EDA2R: variants seen among roughly 807,000 people sequenced by gnomAD.
EDA2R encodes the protein ectodysplasin A2 receptor, also known as tumor necrosis factor receptor superfamily member 27.
EDA2R carries 26 observed loss-of-function variants against 20.1 expected under a neutral mutation model. The ratio of observed to expected loss-of-function variants is 1.30; its 90% CI spans 0.95 to 1.80. The LOEUF is 1.80. Among genes scored for constraint, EDA2R ranks in the 40% most tolerant of loss-of-function variants. The probability of loss-of-function intolerance (pLI) is 0.00; values close to 1 mark genes in which losing one functional copy is unlikely to be tolerated. For synonymous variants in EDA2R, 114 were observed against 88.7 expected, an observed-to-expected ratio of 1.29 and a Z score of -1.60; for missense variants, 277 against 228.7, an observed-to-expected ratio of 1.21 and a Z score of -1.36.
chrX:66,630,234 A>T (rs1933596296), intron 1 of EDA2R, among the ~76,000 whole-genome samples: 2 of 112,254 alleles, frequency 1.8e-5, no homozygotes, highest in African/African-American at 6.5e-5. Flanking sequence ...AATCTATAAA[A>T]GTTCTAGAAG....
At chrX:66,598,243 C>T (rs1165743508) in intron 6 of EDA2R, 150 bp from the exon 7 acceptor site, 2 of 204,445 alleles carry the variant, frequency 9.8e-6, no homozygotes, top group East Asian at 2.5e-4. Context: ...GACAATTCTA[C>T]CCTATTCTAC....
intron 1 of EDA2R, among the ~76,000 whole-genome samples, chrX:66,634,762 G>C (rs1934173083): frequency 9.0e-6 from 1 of 111,377 alleles, no homozygotes; most frequent in East Asian, 2.8e-4. Context: ...ACGAAGAAAG[G>C]AGTTGGCCCA....
chrX:66,607,429 C>T (rs1929889597), intron 2 of EDA2R, among the ~76,000 whole-genome samples: 2 of 111,036 alleles, frequency 1.8e-5, no homozygotes, highest in South Asian at 3.8e-4. Context: ...CTAGCCTAGG[C>T]AACACGGCAA....
At chrX:66,598,146 C>T in intron 6 of EDA2R, 53 bp from the exon 7 acceptor site, 1 of 526,190 alleles carries the variant, frequency 1.9e-6, no homozygotes, top group Non-Finnish European at 2.7e-6. Context: ...TCACTAGCAC[C>T]CTTCTTTCTC....
intron 1 of EDA2R, among the ~76,000 whole-genome samples, chrX:66,625,353 T>A (rs1432608888): frequency 9.0e-6 from 1 of 110,943 alleles, no homozygotes; most frequent in Non-Finnish European, 1.9e-5. Context: ...ACTGGCCCTT[T>A]GGATTGCATG....
In EDA2R at chrX:66,599,572, G is replaced by A. The variant is rs746649982; in HGVS notation, c.806C>T (p.Thr269Ile). ...GTTTCCCCCCAAGGTCTCAGCTCCA[G>A]TATAGGAGGCAGAGCTGGAAAACTT... Reference protein sequence around the residue: ...LQKFSSSASYTGAETLGGNTV... With the variant: ...LQKFSSSASYIGAETLGGNTV... Residue 269 changes from threonine to isoleucine, a missense_variant, in exon 6 of 7, where the codon ACT becomes ATT. Thr to Ile is a moderately conservative substitution (Grantham distance 89, BLOSUM62 -1). Transcript: ENST00000374719. 2.5e-6 allele frequency: 3 copies of A among 1,191,907 alleles called. No homozygotes were observed. Among genetic ancestry groups the A allele is most frequent in the Non-Finnish European group, 2.3e-6 (2 of 885,772 alleles).
chrX:66,602,752 G>A lies in EDA2R; in HGVS notation c.398C>T (p.Pro133Leu), dbSNP rs764786622. 3.1e-5 allele frequency: 37 copies of A among 1,194,711 alleles called. No individual in the cohort carries two copies. Among genetic ancestry groups the A allele is most frequent in the Non-Finnish European group, 3.9e-5 (35 of 887,542 alleles). ...SLVEADTPTVPPQEATLVALV... is the reference protein window; with the variant it reads ...SLVEADTPTVLPQEATLVALV... ...TGCAACAAGTGTGGCCTCCTGAGGG[G>A]GCACTGTGGGTGTATCTGCCTCCAC... is the stretch of plus-strand genomic sequence containing the variant. Residue 133 changes from proline (P) to leucine (L), a missense_variant, in exon 5 of 7, where the codon CCC (proline) becomes CTC (leucine). Pro to Leu is a moderately conservative substitution (Grantham distance 98). Transcript: ENST00000374719.
At chrX:66,633,053 A>G (rs774643789) in intron 1 of EDA2R, among the ~76,000 whole-genome samples, 3 of 106,667 alleles carry the variant, frequency 2.8e-5, no homozygotes, top group African/African-American at 9.9e-5. Context: ...GAAGAAAAAG[A>G]AAAAAAAATC....
chrX:66,604,301 T>A, intron 4 of EDA2R, 120 bp downstream of exon 4: 1 of 530,353 alleles, frequency 1.9e-6, no homozygotes, highest in East Asian at 3.7e-5. Flanking sequence ...TCTAATCTGA[T>A]TCCCTTGCCA....
chrX:66,615,999 A>G lies in EDA2R; in HGVS notation c.22T>C (p.Tyr8His), dbSNP rs73221529. Reference sequence around the variant, plus strand: ...ACACACCGTCCCCATTGGTCCCAGTACTCATTTTCTTGGCAATCCATGGTG... The same window carrying G: ...ACACACCGTCCCCATTGGTCCCAGTGCTCATTTTCTTGGCAATCCATGGTG... MDCQENE[Y>H]WDQWGRCVTC... Residue 8 changes from tyrosine to histidine, a missense_variant, in exon 2 of 7, where the codon TAC becomes CAC. Transcript: ENST00000374719. 8.2e-3 allele frequency: 9,883 copies of G among 1,207,710 alleles called. 54 individuals carry two copies. Among genetic ancestry groups the G allele is most frequent in the Non-Finnish European group, 9.3e-3 (8,322 of 893,669 alleles).
intron 1 of EDA2R, among the ~76,000 whole-genome samples, chrX:66,638,118 T>A (rs1465050580): frequency 8.9e-6 from 1 of 112,421 alleles, no homozygotes; most frequent in African/African-American, 3.2e-5. Context: ...TGTTTTTATA[T>A]CCAGGATGAG....
intron 1 of EDA2R, among the ~76,000 whole-genome samples, chrX:66,623,840 C>A (rs1462472681): frequency 8.9e-6 from 1 of 112,324 alleles, no homozygotes; most frequent in Non-Finnish European, 1.9e-5. Flanking sequence ...GCTTCCCTGA[C>A]CACTCTCTCA....
At chrX:66,607,625 T>C (rs1273912620) in intron 2 of EDA2R, among the ~76,000 whole-genome samples, 4 of 110,366 alleles carry the variant, frequency 3.6e-5, no homozygotes, top group African/African-American at 1.3e-4. Flanking sequence ...AACAAAATAA[T>C]AATAATAACA....
rs1168461314 is a variant in EDA2R, at chrX:66,620,761, G to A, written c.-10-4731C>T. 1.3e-4 allele frequency among the ~76,000 whole-genome samples: 14 copies of A among 109,664 alleles called. No individual in the cohort carries two copies. In the Admixed American group the frequency reaches 1.4e-3, roughly 11 times the overall value. ...ACAAAAATTTTCATATCACATATCT[G>A]ATAAGAGACTTGTATCTAAATATAT... On this transcript the variant is annotated intron_variant, in intron 1 of 6. Transcript: ENST00000374719.
At chrX:66,613,622 C>T (rs772134086) in intron 2 of EDA2R, among the ~76,000 whole-genome samples, 4 of 111,538 alleles carry the variant, frequency 3.6e-5, no homozygotes, top group Non-Finnish European at 7.5e-5. Context: ...GGACCCCGAA[C>T]AGAGGGCCAC....
chrX:66,633,805 G>T (rs745731086), intron 1 of EDA2R, among the ~76,000 whole-genome samples: 1 of 112,021 alleles, frequency 8.9e-6, no homozygotes, highest in South Asian at 3.8e-4. Flanking sequence ...TCCCAAGAAG[G>T]CTTTTGGCTG....
chrX:66,604,293 TA>T, intron 4 of EDA2R, 127 bp downstream of exon 4: 1 of 493,363 alleles, frequency 2.0e-6, no homozygotes, highest in Non-Finnish European at 3.2e-6. Flanking sequence ...ACCAGACTTC[TA>T]ATCTGATTCC....
intron 2 of EDA2R, among the ~76,000 whole-genome samples, chrX:66,606,315 T>G (rs1346130815): frequency 8.9e-6 from 1 of 112,195 alleles, no homozygotes; most frequent in African/African-American, 3.2e-5. Flanking sequence ...AGTGGGGGCA[T>G]GTGCATCATT....
At chrX:66,634,256 T>C (rs1934121219) in intron 1 of EDA2R, among the ~76,000 whole-genome samples, 1 of 112,378 alleles carries the variant, frequency 8.9e-6, no homozygotes, top group Non-Finnish European at 1.9e-5. Context: ...GAGAAAGGTA[T>C]AGTACTTTGT....
Sources: allele counts gnomAD v4.1 joint callset (sites outside exome capture counted in the v4.1 genomes callset), GRCh38; gene constraint gnomAD v4.1.1; transcripts MANE v1.5; gene names NCBI Gene and HGNC (gene_info 2026-07-23, HGNC 2026-07-21).